The following SNTG2 variants were observed in gnomAD, a reference collection of about 807,000 sequenced individuals.
SNTG2 encodes gamma-2-syntrophin.
SNTG2 carries 74 observed loss-of-function variants against 70.9 expected under a neutral mutation model. The ratio of observed to expected loss-of-function variants is 1.04; its 90% confidence interval spans 0.86 to 1.27. The LOEUF is 1.27. Ranked by LOEUF, SNTG2 falls within the 50% of genes most tolerant of loss-of-function variation. SNTG2 has a pLI of 0.00. For missense variants in SNTG2, 717 were observed against 690.7 expected (o/e 1.04, Z -0.43); for synonymous variants, 278 against 273.8 (o/e 1.02, Z -0.15).
intron 1 of SNTG2, among the ~76,000 whole-genome samples, chr2:1,062,581 G>A (rs1193188646): frequency 1.3e-5 from 2 of 152,184 alleles, no homozygotes; most frequent in Admixed American, 6.5e-5. Flanking sequence ...TCTCCAAAGT[G>A]TAACAGAATT....
intron 1 of SNTG2, among the ~76,000 whole-genome samples, chr2:1,021,733 T>A (rs1475092714): frequency 6.6e-6 from 1 of 151,844 alleles, no homozygotes; most frequent in Non-Finnish European, 1.5e-5. Context: ...CACCCCAGCC[T>A]CCTGAGTAGC....
rs574337288 is a variant in SNTG2, at chr2:1,027,432, A to G, written c.73-56086A>G. On this transcript the variant is annotated intron_variant, in intron 1 of 16. Transcript: ENST00000308624. ...GTAAAGAGATAAGCAGGTGCGTCTG[A>G]CCCACAGACACTACCCAGCAAGTAA... 6.4e-5 allele frequency among the ~76,000 whole-genome samples: 9 copies of G among 140,604 alleles called. No individual in the cohort carries two copies. The East Asian group carries it at 1.5e-3, about 24-fold the overall frequency. 92.2% of individuals were successfully genotyped at this position (140,604 alleles called of 152,430 possible). A position where few individuals can be genotyped will look rare whatever the true frequency, so the allele number is the denominator to read the frequency against.
intron 1 of SNTG2, among the ~76,000 whole-genome samples, chr2:1,002,560 TATACC>T (rs1659430298): frequency 6.6e-6 from 1 of 152,000 alleles, no homozygotes; most frequent in South Asian, 2.1e-4. Context: ...GATACCGCCT[TATACC>T]AGTCAGAATA....
At chr2:1,291,105 G>A (rs1423800106) in intron 14 of SNTG2, among the ~76,000 whole-genome samples, 1 of 152,132 alleles carries the variant, frequency 6.6e-6, no homozygotes, top group Non-Finnish European at 1.5e-5. Context: ...CTAATCACTG[G>A]TGATGTTGGC....
intron 2 of SNTG2, among the ~76,000 whole-genome samples, chr2:1,087,632 A>G (rs1412161545): frequency 6.6e-6 from 1 of 152,258 alleles, no homozygotes; most frequent in African/African-American, 2.4e-5. Context: ...GCATAAGTAA[A>G]TAAAAAGACA....
chr2:1,138,281 A>G (rs1668524299), intron 6 of SNTG2, among the ~76,000 whole-genome samples: 1 of 152,158 alleles, frequency 6.6e-6, no homozygotes, highest in Non-Finnish European at 1.5e-5. Flanking sequence ...ACCAGGTGAG[A>G]CCTCTGAGGA....
At chr2:1,040,429 C>T (rs988237042) in intron 1 of SNTG2, among the ~76,000 whole-genome samples, 9 of 152,170 alleles carry the variant, frequency 5.9e-5, no homozygotes, top group East Asian at 5.8e-4. Context: ...TTCCCCTTCC[C>T]GCCACCTCTG....
At chr2:995,801 CTTTCTTTGACTTA>C (rs1241077737) in intron 1 of SNTG2, among the ~76,000 whole-genome samples, 2 of 152,132 alleles carry the variant, frequency 1.3e-5, no homozygotes, top group Non-Finnish European at 2.9e-5. Flanking sequence ...TCACACCGCA[CTTTCTTTGACTTA>C]TTACTTCCTT....
At chr2:1,240,620 T>A (rs1007308457) in intron 11 of SNTG2, among the ~76,000 whole-genome samples, 1 of 152,206 alleles carries the variant, frequency 6.6e-6, no homozygotes, top group African/African-American at 2.4e-5. Context: ...ACAAAAGACT[T>A]TAAATAGTGC....
At chr2:1,362,773 C>T (rs73178282) in intron 16 of SNTG2, among the ~76,000 whole-genome samples, 101,501 of 141,900 alleles carry the variant, frequency 0.72, 36,717 homozygotes, top group East Asian at 0.94. Flanking sequence ...CGAAGGTCAC[C>T]GACGCTGAGC....
chr2:1,052,178 A>G (rs931142343), intron 1 of SNTG2, among the ~76,000 whole-genome samples: 16 of 151,988 alleles, frequency 1.1e-4, no homozygotes, highest in Admixed American at 3.9e-4. Context: ...TTGTTTTTCT[A>G]TTCTGTGGAA....
intron 1 of SNTG2, among the ~76,000 whole-genome samples, chr2:1,019,227 C>G (rs1356621533): frequency 6.6e-6 from 1 of 152,180 alleles, no homozygotes; most frequent in Non-Finnish European, 1.5e-5. Flanking sequence ...TGAAATCAGA[C>G]AGGCCAGATA....
intron 7 of SNTG2, among the ~76,000 whole-genome samples, chr2:1,169,581 C>T (rs1324414533): frequency 1.3e-5 from 2 of 152,176 alleles, no homozygotes; most frequent in Non-Finnish European, 2.9e-5. Context: ...ATTCTAGTGC[C>T]TGAGCCTGTG....
intron 14 of SNTG2, among the ~76,000 whole-genome samples, chr2:1,271,397 G>A (rs1679011541): frequency 6.6e-6 from 1 of 151,842 alleles, no homozygotes; most frequent in Non-Finnish European, 1.5e-5. Flanking sequence ...AAATTTGTAT[G>A]TCAATTTATT....
chr2:1,171,669 A>G (rs1295403156), intron 7 of SNTG2, among the ~76,000 whole-genome samples: 1 of 152,228 alleles, frequency 6.6e-6, no homozygotes, highest in Non-Finnish European at 1.5e-5. Flanking sequence ...AGTAAAATTG[A>G]CAACTACCCT....
rs149541326 is a variant in SNTG2 at position 1,065,738 on chromosome 2, C to T, written c.73-17780C>T. Among the ~76,000 whole-genome samples, 366 of 152,038 alleles carry T rather than the reference C, an allele frequency of 2.4e-3. 1 individual carries two copies. The highest frequency in any genetic ancestry group is 8.5e-3 in the African/African-American group (352 of 41,448). ...AAATTTGCAGTTATTTTTTGTATGT[C>T]GTTTAGCTAAATGGCCATATTAAAT... On this transcript the variant is annotated intron_variant, in intron 1 of 16. Coordinates refer to ENST00000308624, the MANE Select transcript of SNTG2 (RefSeq NM_018968.4).
At chr2:1,308,713 C>T (rs1210429493) in intron 15 of SNTG2, 127 bp downstream of exon 15, 5 of 763,082 alleles carry the variant, frequency 6.6e-6, no homozygotes, top group Non-Finnish European at 1.1e-5. Flanking sequence ...CGTGCAGAGG[C>T]CTTGCTTTCA....
chr2:1,198,810 CA>C (rs1673088894), intron 8 of SNTG2, among the ~76,000 whole-genome samples: 1 of 151,792 alleles, frequency 6.6e-6, no homozygotes, highest in African/African-American at 2.4e-5. Context: ...TAGAAATATA[CA>C]ACCTACCAAG....
intron 1 of SNTG2, among the ~76,000 whole-genome samples, chr2:1,024,822 C>A (rs1660384745): frequency 6.6e-6 from 1 of 152,242 alleles, no homozygotes; most frequent in African/African-American, 2.4e-5. Flanking sequence ...CAAGGTGGCA[C>A]TGAGGTGACA....
Sources: gnomAD v4.1 joint callset for allele counts (sites outside exome capture counted in the v4.1 genomes callset) on GRCh38, gnomAD v4.1.1 for gene constraint, MANE v1.5 for transcripts, NCBI Gene and HGNC (gene_info 2026-07-23, HGNC 2026-07-21) for gene names.